EEF1B2: variants seen among roughly 807,000 people sequenced by gnomAD.
EEF1B2 encodes the protein elongation factor 1-beta.
A neutral mutation model predicts 28.3 loss-of-function variants in EEF1B2; 12 were observed. That is an observed-to-expected ratio of 0.42 (90% CI 0.27 to 0.69). The LOEUF (loss-of-function observed/expected upper bound fraction) is 0.69. EEF1B2 is among the 30% of genes least tolerant of loss of function. EEF1B2 has a pLI of 0.22. For synonymous variants in EEF1B2, 83 were observed against 99.9 expected (o/e 0.83, Z 1.01); for missense variants, 234 against 272.6 (o/e 0.86, Z 1.00).
upstream of EEF1B2, chr2:206,159,852 A>G (rs1189654292): frequency 9.5e-7 from 1 of 1,048,810 alleles, no homozygotes; most frequent in Non-Finnish European, 1.4e-6. Context: ...GTGGAGGGAA[A>G]CGCCTCCGTC....
chr2:206,162,664 G>T, intron 5 of EEF1B2, 50 bp downstream of exon 5: 2 of 1,571,490 alleles, frequency 1.3e-6, no homozygotes, highest in African/African-American at 1.7e-5. Flanking sequence ...TCTGGAATTT[G>T]CCTACAGTTT....
chr2:206,159,949 T>C lies in EEF1B2; in HGVS notation c.-31T>C. ...CACAATTTGCGCGCTCTCTTTCTGCTGCTCCCCAGCTCTCGGATACAGCCG... is the reference window on the plus strand; with the variant it reads ...CACAATTTGCGCGCTCTCTTTCTGCCGCTCCCCAGCTCTCGGATACAGCCG... On this transcript the variant is annotated 5_prime_UTR_variant, in exon 1 of 6. Coordinates refer to ENST00000392222, the MANE Select transcript of EEF1B2 (RefSeq NM_001959.4). 6.2e-7 allele frequency: 1 copy of C among 1,606,520 alleles called. No homozygotes were observed. The highest frequency in any genetic ancestry group is 8.5e-7 in the Non-Finnish European group (1 of 1,177,758).
rs1687951798 is a variant in EEF1B2 at position 206,162,090 on chromosome 2, CAAAG to C, written c.388_391del (p.Lys130ProfsTer14). 1 of 1,613,770 alleles carries C rather than the reference CAAAG, an allele frequency of 6.2e-7. No homozygotes were observed. Among genetic ancestry groups the C allele is most frequent in the South Asian group, 1.1e-5 (1 of 90,988 alleles). On this transcript the variant is annotated frameshift_variant, in exon 4 of 6. Transcript: ENST00000392222. LOFTEE classifies it high-confidence loss of function. ...GAAGAACGTCTTGCACAATATGAAT[CAAAG>C]AAAGCCAAAAGTAGGTCATTTGTTT... is the stretch of plus-strand genomic sequence containing the variant.
Position 206,162,844 on chromosome 2 carries a change from T to C in EEF1B2, c.639T>C (p.Tyr213=), listed in dbSNP as rs1395904660. 1.8e-5 allele frequency: 29 copies of C among 1,601,828 alleles called. No homozygotes were observed. The highest frequency in any genetic ancestry group is 2.4e-5 in the Non-Finnish European group (28 of 1,179,594). The change falls in exon 6 of 6, where the codon TAT becomes TAC. Residue 213 remains tyrosine, a synonymous_variant. Transcript: ENST00000392222. ...LEEQITAFED[Y]VQSMDVAAFN... ...AGCAGATCACTGCTTTTGAGGACTATGTGCAGTCCATGGATGTGGCTGCTT... is the reference window on the plus strand; with the variant it reads ...AGCAGATCACTGCTTTTGAGGACTACGTGCAGTCCATGGATGTGGCTGCTT...
rs1410189731 is a variant in EEF1B2 at position 206,161,487 on chromosome 2, A to G, written c.330+15A>G. 4.3e-6 allele frequency: 7 copies of G among 1,613,112 alleles called. No individual in the cohort carries two copies. Among genetic ancestry groups the G allele is most frequent in the South Asian group, 2.2e-5 (2 of 91,038 alleles). On this transcript the variant is annotated intron_variant, in intron 3 of 5. Coordinates refer to ENST00000392222, the MANE Select transcript of EEF1B2 (RefSeq NM_001959.4). ...ATGATGAGGAGGTATGGCGTCTTCT[A>G]TAAAGAACATATCGGCCAGGCGCAG...
At position 206,160,644 on chromosome 2, in the gene EEF1B2, C is replaced by T; in HGVS notation, c.137C>T (p.Pro46Leu). 2 of 1,614,074 alleles carry T rather than the reference C, an allele frequency of 1.2e-6. No individual in the cohort carries two copies. The highest frequency in any genetic ancestry group is 1.7e-6 in the Non-Finnish European group (2 of 1,180,034). ...AVFEAVSSPP[P>L]ADLCHALRWY... is the part of the protein sequence containing the mutation. ...TTTGAAGCCGTGTCCAGCCCACCGC[C>T]TGCCGACTTGTGTCATGCCCTACGT... The change falls in exon 2 of 6, where the codon CCT becomes CTT. Residue 46 changes from proline to leucine, a missense_variant. Physicochemically the swap from Pro to Leu is moderately conservative, Grantham distance 98 (BLOSUM62 -3). Coordinates refer to ENST00000392222, the MANE Select transcript of EEF1B2 (RefSeq NM_001959.4).
At chr2:206,159,680 T>C, upstream of EEF1B2, 1 of 271,188 alleles carries the variant, frequency 3.7e-6, no homozygotes, top group Non-Finnish European at 7.0e-6. Context: ...TCGGGAGCCG[T>C]GGAGGTACGA....
chr2:206,162,515 A>G lies in EEF1B2; in HGVS notation c.424A>G (p.Ile142Val), dbSNP rs771959213. The G allele has an allele frequency of 3.7e-6, 6 of 1,613,224 alleles. No individual in the cohort carries two copies. Among genetic ancestry groups the G allele is most frequent in the African/African-American group, 1.3e-5 (1 of 75,022 alleles). ...ACCTGCACTTGTTGCCAAGTCTTCCATCTTACTAGATGTGAAACCTTGGGA... is the reference window on the plus strand; with the variant it reads ...ACCTGCACTTGTTGCCAAGTCTTCCGTCTTACTAGATGTGAAACCTTGGGA... ...KKPALVAKSSILLDVKPWDDE... is the reference protein window; with the variant it reads ...KKPALVAKSSVLLDVKPWDDE... The change falls in exon 5 of 6, where the codon ATC (isoleucine) becomes GTC (valine). Residue 142 changes from isoleucine (I) to valine (V), a missense_variant. Ile to Val is a conservative substitution (Grantham distance 29). Around this residue, in one of 2 missense-constraint regions of EEF1B2, gnomAD observed 178 missense variants for 173.3 expected, o/e 1.03. Transcript: ENST00000392222.
chr2:206,160,937 T>G, intron 2 of EEF1B2: 1 of 756,838 alleles, frequency 1.3e-6, no homozygotes, highest in African/African-American at 1.7e-5. Flanking sequence ...GCCCTGCCAA[T>G]GTGCCTCGAC....
At chr2:206,161,161 GTA>G in intron 2 of EEF1B2, 183 bp from the exon 3 acceptor site, 1 of 687,392 alleles carries the variant, frequency 1.5e-6, no homozygotes, top group Non-Finnish European at 2.4e-6. Flanking sequence ...GTCTCACATG[GTA>G]CTAATGCTTG....
At chr2:206,162,363 G>A (rs1381410427) in intron 4 of EEF1B2, 126 bp from the exon 5 acceptor site, 1 of 1,450,196 alleles carries the variant, frequency 6.9e-7, no homozygotes, top group Non-Finnish European at 9.7e-7. Context: ...GACACAAGAT[G>A]TATCTGTAGT....
intron 3 of EEF1B2, chr2:206,161,788 A>G (rs1687941627): frequency 3.1e-6 from 2 of 643,204 alleles, no homozygotes; most frequent in Non-Finnish European, 5.6e-6. Context: ...AAAAAAGAAT[A>G]CATCGATCAG....
chr2:206,161,996 A>G (rs375287007), intron 3 of EEF1B2, 42 bp from the exon 4 acceptor site: 16 of 1,571,922 alleles, frequency 1.0e-5, no homozygotes, highest in Non-Finnish European at 1.3e-5. Context: ...AAGCAGAGGA[A>G]CAACCAGCTT....
chr2:206,160,112 G>C, intron 1 of EEF1B2, 53 bp downstream of exon 1: 1 of 1,583,718 alleles, frequency 6.3e-7, no homozygotes, highest in East Asian at 2.3e-5. Context: ...GCCCGGGGCC[G>C]GGGCCACGTG....
intron 2 of EEF1B2, chr2:206,160,933 C>G (rs1687910062): frequency 1.3e-6 from 1 of 765,412 alleles, no homozygotes; most frequent in Non-Finnish European, 2.2e-6. Flanking sequence ...CACTGCCCTG[C>G]CAATGTGCCT....
intron 2 of EEF1B2, 167 bp downstream of exon 2, chr2:206,160,877 C>A: frequency 9.7e-7 from 1 of 1,029,302 alleles, no homozygotes; most frequent in Non-Finnish European, 1.5e-6. Context: ...TCCATTTTTT[C>A]ACAGAACAGG....
At chr2:206,161,617 C>G in intron 3 of EEF1B2, 145 bp downstream of exon 3, 1 of 1,040,976 alleles carries the variant, frequency 9.6e-7, no homozygotes, top group Non-Finnish European at 1.4e-6. Context: ...CCTGTCTGTA[C>G]TAAAAATACA....
chr2:206,161,213 C>T (rs752058825), intron 2 of EEF1B2, 133 bp from the exon 3 acceptor site: 20 of 1,253,178 alleles, frequency 1.6e-5, no homozygotes, highest in Admixed American at 6.2e-5. Flanking sequence ...TTTACCTGGG[C>T]GCATGTGAAA....
chr2:206,160,362 G>C (rs374935758), intron 1 of EEF1B2, among the ~76,000 whole-genome samples: 6 of 152,316 alleles, frequency 3.9e-5, no homozygotes, highest in African/African-American at 1.4e-4. Flanking sequence ...AGCAACGCCA[G>C]ACATTGCAGT....
Sources: allele counts gnomAD v4.1 joint callset (sites outside exome capture counted in the v4.1 genomes callset), GRCh38; gene constraint gnomAD v4.1.1; regional missense constraint gnomAD v4.1.1; transcripts MANE v1.5; gene names NCBI Gene and HGNC (gene_info 2026-07-23, HGNC 2026-07-21).